The following CACNA1E variants were observed in gnomAD, a reference collection of about 807,000 sequenced individuals.
The protein encoded by CACNA1E is calcium voltage-gated channel subunit alpha1 E, also known as voltage-dependent R-type calcium channel subunit alpha-1E.
In CACNA1E, 40 loss-of-function variants were observed where a neutral mutation model predicts 259.2. The ratio of observed to expected loss-of-function variants is 0.15; its 90% CI spans 0.12 to 0.20. The LOEUF (loss-of-function observed/expected upper bound fraction) is 0.20. Ranked by LOEUF, CACNA1E falls within the 10% of genes least tolerant of loss-of-function variation. The probability of loss-of-function intolerance (pLI) is 1.00; values close to 1 mark genes in which losing one functional copy is unlikely to be tolerated. For missense variants in CACNA1E, 1,874 were observed against 3,040.1 expected (o/e 0.62, Z 9.02); for synonymous variants, 1,104 against 1,138.5 (o/e 0.97, Z 0.61).
intron 6 of CACNA1E, among the ~76,000 whole-genome samples, chr1:181,612,481 A>G (rs1406067151): frequency 6.6e-6 from 1 of 152,164 alleles, no homozygotes; most frequent in Non-Finnish European, 1.5e-5. Flanking sequence ...GTCAGGGCTG[A>G]TCAATCAGGT....
In CACNA1E at chr1:181,483,583, G is replaced by T. The variant is rs1489727366; in HGVS notation, c.-162G>T. ...CAACAGTTCACAGCGGCGGGCTGCT[G>T]CTGCTGCCTCTCCGAAGAGCTCGCG... On this transcript the variant is annotated 5_prime_UTR_variant, in exon 1 of 48. Transcript: ENST00000367573. 4.4e-6 allele frequency: 2 copies of T among 453,380 alleles called. No homozygotes were observed. The highest frequency in any genetic ancestry group is 7.8e-6 in the Non-Finnish European group (2 of 257,008). 28.1% of individuals were successfully genotyped at this position (453,380 alleles called of 1,614,324 possible).
intron 29 of CACNA1E, 60 bp from the exon 30 acceptor site, chr1:181,756,864 AT>A: frequency 8.8e-7 from 1 of 1,130,050 alleles, no homozygotes; most frequent in Non-Finnish European, 1.3e-6. Flanking sequence ...TAGGTGGCAC[AT>A]TTCCTAACGA....
chr1:181,709,288 C>A (rs1276889568), intron 7 of CACNA1E, among the ~76,000 whole-genome samples: 1 of 152,190 alleles, frequency 6.6e-6, no homozygotes, highest in Non-Finnish European at 1.5e-5. Flanking sequence ...GGTCACTCTT[C>A]ATTTTGACTC....
chr1:181,385,302 G>A (rs1339782047), intron 1 of CACNA1E, among the ~76,000 whole-genome samples: 4 of 152,218 alleles, frequency 2.6e-5, no homozygotes, highest in African/African-American at 9.7e-5. Context: ...ATATAAAGCT[G>A]TTGAAAAACA....
chr1:181,419,346 A>C (rs1406193116), intron 2 of CACNA1E, among the ~76,000 whole-genome samples: 2 of 152,126 alleles, frequency 1.3e-5, no homozygotes, highest in Non-Finnish European at 2.9e-5. Flanking sequence ...GACCTCCCAC[A>C]TCAGGCCTCT....
At chr1:181,750,733 GTGAAATCGTT>G (rs1429673227) in intron 26 of CACNA1E, among the ~76,000 whole-genome samples, 2 of 152,216 alleles carry the variant, frequency 1.3e-5, no homozygotes, top group African/African-American at 4.8e-5. Context: ...GCCTAATGCA[GTGAAATCGTT>G]TGTAAAACAT....
chr1:181,353,743 CCT>C (rs1653213950), intron 1 of CACNA1E, among the ~76,000 whole-genome samples: 1 of 152,118 alleles, frequency 6.6e-6, no homozygotes, highest in African/African-American at 2.4e-5. Flanking sequence ...GATCCACCCA[CCT>C]AGATTCAAGG....
intron 2 of CACNA1E, among the ~76,000 whole-genome samples, chr1:181,428,534 G>A (rs1460464616): frequency 6.6e-6 from 1 of 152,152 alleles, no homozygotes; most frequent in African/African-American, 2.4e-5. Context: ...CTGCTGTGGG[G>A]TAGGGGAGAG....
chr1:181,323,174 C>G (rs889702069), intron 1 of CACNA1E, among the ~76,000 whole-genome samples: 5 of 152,190 alleles, frequency 3.3e-5, no homozygotes, highest in Admixed American at 2.6e-4. Context: ...GTTCCTTCCC[C>G]TTTCTCATGA....
intron 25 of CACNA1E, among the ~76,000 whole-genome samples, chr1:181,744,573 T>C (rs184860204): frequency 6.8e-4 from 104 of 152,368 alleles, no homozygotes; most frequent in Middle Eastern, 3.4e-3. Flanking sequence ...CATTTCACCC[T>C]AAACCTGGCT....
At chr1:181,472,654 A>C (rs945572855) in intron 2 of CACNA1E, among the ~76,000 whole-genome samples, 4 of 152,200 alleles carry the variant, frequency 2.6e-5, no homozygotes, top group African/African-American at 9.7e-5. Flanking sequence ...TCTCAACATC[A>C]TTCTGTGAGC....
rs73043452 is a variant in CACNA1E, at chr1:181,707,284, G to A, written c.1056-3670G>A. ...GAGGTACTCCCAGTGGTGCACATTCGTTGCTTTACTTCTTTTAGCCAAGAG... is the reference window on the plus strand; with the variant it reads ...GAGGTACTCCCAGTGGTGCACATTCATTGCTTTACTTCTTTTAGCCAAGAG... On this transcript the variant is annotated intron_variant, in intron 7 of 47. Transcript: ENST00000367573. Among the ~76,000 whole-genome samples the A allele has an allele frequency of 5.2e-3, 786 of 152,296 alleles. 9 individuals are homozygous for A. The highest frequency in any genetic ancestry group is 0.018 in the African/African-American group (749 of 41,562).
At chr1:181,596,424 C>T (rs531094210) in intron 6 of CACNA1E, among the ~76,000 whole-genome samples, 2 of 152,306 alleles carry the variant, frequency 1.3e-5, no homozygotes, top group Admixed American at 6.5e-5. Flanking sequence ...CCTCCACCTG[C>T]GTCGGACTTG....
At chr1:181,478,639 CA>C (rs138260811), upstream of CACNA1E, among the ~76,000 whole-genome samples, 20,323 of 151,990 alleles carry the variant, frequency 0.13, 1,685 homozygotes, top group Non-Finnish European at 0.19. Context: ...GTGTAACTGG[CA>C]GGGTGGGGGA....
rs1327484784 is a variant in CACNA1E, at chr1:181,732,603, CCTGGCCCTGGAG to C, written c.2518_2529del (p.Leu840_Glu843del). ...GGGCCATTGAGGGCCTGGCCCTGGG[CCTGGCCCTGGAG>C]AAGTTCGAGGAGGAGCGCATCAGCC... is the stretch of plus-strand genomic sequence containing the variant. On this transcript the variant is annotated inframe_deletion, in exon 20 of 48. Coordinates refer to ENST00000367573, the MANE Select transcript of CACNA1E (RefSeq NM_001205293.3). This position sits in a 1 kb window ranked among gnomAD's most constrained non-coding sequence, Gnocchi z 5.5. 18 of 1,496,536 alleles carry C rather than the reference CCTGGCCCTGGAG, an allele frequency of 1.2e-5. No homozygotes were observed. Among genetic ancestry groups the C allele is most frequent in the Non-Finnish European group, 1.6e-5 (18 of 1,123,238 alleles). 92.7% of individuals were successfully genotyped at this position (1,496,536 alleles called of 1,614,324 possible).
chr1:181,513,387 A>G (rs1666307045), intron 3 of CACNA1E, among the ~76,000 whole-genome samples: 1 of 152,242 alleles, frequency 6.6e-6, no homozygotes, highest in Non-Finnish European at 1.5e-5. Flanking sequence ...ATCTGTAATG[A>G]CTGATCAGCA....
At chr1:181,534,636 A>G (rs1668033835) in intron 3 of CACNA1E, among the ~76,000 whole-genome samples, 1 of 152,052 alleles carries the variant, frequency 6.6e-6, no homozygotes, top group South Asian at 2.1e-4. Context: ...AACTACCTGT[A>G]CCCCCAAAAC....
intron 34 of CACNA1E, among the ~76,000 whole-genome samples, chr1:181,764,670 A>G (rs566965529): frequency 6.6e-6 from 1 of 152,370 alleles, no homozygotes; most frequent in South Asian, 2.1e-4. Flanking sequence ...CACTTCAATG[A>G]AAACTATTTT....
chr1:181,787,468 A>G (rs1660944377), intron 43 of CACNA1E, among the ~76,000 whole-genome samples: 1 of 152,200 alleles, frequency 6.6e-6, no homozygotes, highest in Non-Finnish European at 1.5e-5. Flanking sequence ...CTGTTTATCT[A>G]CAATTTGCTT....
Sources: gnomAD v4.1 joint callset for allele counts (sites outside exome capture counted in the v4.1 genomes callset) on GRCh38, gnomAD v4.1.1 for gene constraint, Gnocchi (gnomAD v3.1) non-coding constraint, MANE v1.5 for transcripts, NCBI Gene and HGNC (gene_info 2026-07-23, HGNC 2026-07-21) for gene names.